UBE3D: variants seen among roughly 807,000 people sequenced by gnomAD.
UBE3D encodes E3 ubiquitin-protein ligase E3D.
A neutral mutation model predicts 49.6 loss-of-function variants in UBE3D; 48 were observed. The ratio of observed to expected loss-of-function variants is 0.97; its 90% CI spans 0.77 to 1.23. UBE3D has a LOEUF of 1.23. Ranked by LOEUF, UBE3D falls within the 50% of genes most tolerant of loss-of-function variation. The pLI, the probability that UBE3D is intolerant of heterozygous loss-of-function variation, is 0.00. For missense variants in UBE3D, 452 were observed against 468.4 expected (o/e 0.96, Z 0.32); for synonymous variants, 189 against 174.2 (o/e 1.08, Z -0.67).
intron 9 of UBE3D, among the ~76,000 whole-genome samples, chr6:82,932,112 G>A (rs964871871): frequency 6.6e-6 from 1 of 152,096 alleles, no homozygotes; most frequent in Admixed American, 6.5e-5. Flanking sequence ...CACGATGATT[G>A]TAAGTTTCCT....
chr6:83,010,372 T>A (rs1582629186), intron 8 of UBE3D, among the ~76,000 whole-genome samples: 1 of 152,116 alleles, frequency 6.6e-6, no homozygotes, highest in East Asian at 1.9e-4. Context: ...ATAGAAGGAC[T>A]CACCTACTGG....
At chr6:82,919,685 G>GAGAC (rs1235042910) in intron 9 of UBE3D, among the ~76,000 whole-genome samples, 4 of 152,122 alleles carry the variant, frequency 2.6e-5, no homozygotes, top group African/African-American at 9.7e-5. Context: ...AATGCCAGTG[G>GAGAC]AGACCCTGGA....
intron 9 of UBE3D, among the ~76,000 whole-genome samples, chr6:82,944,356 G>C (rs1775244997): frequency 6.6e-6 from 1 of 152,120 alleles, no homozygotes; most frequent in South Asian, 2.1e-4. Context: ...GACATATCCT[G>C]GACCAGAAGG....
intron 8 of UBE3D, among the ~76,000 whole-genome samples, chr6:83,001,521 T>A (rs1035310821): frequency 6.6e-6 from 1 of 152,198 alleles, no homozygotes; most frequent in Non-Finnish European, 1.5e-5. Flanking sequence ...AGCAGCCTTG[T>A]AGGATGTAGC....
chr6:83,007,258 ATAT>A (rs1467935969), intron 8 of UBE3D, among the ~76,000 whole-genome samples: 3 of 152,164 alleles, frequency 2.0e-5, no homozygotes, highest in African/African-American at 7.2e-5. Flanking sequence ...TTGTGAGAAA[ATAT>A]TAATAATAGT....
chr6:83,007,217 C>T (rs1451108559), intron 8 of UBE3D, among the ~76,000 whole-genome samples: 1 of 152,068 alleles, frequency 6.6e-6, no homozygotes, highest in African/African-American at 2.4e-5. Context: ...CTGAAGATAA[C>T]ATTTCATCAT....
chr6:82,948,078 C>A (rs1307221371), intron 9 of UBE3D, among the ~76,000 whole-genome samples: 1 of 151,572 alleles, frequency 6.6e-6, no homozygotes, highest in Non-Finnish European at 1.5e-5. Context: ...ATCGATGAAA[C>A]AAAATGTTGG....
At chr6:83,041,921 T>A (rs931564476) in intron 4 of UBE3D, among the ~76,000 whole-genome samples, 1 of 152,110 alleles carries the variant, frequency 6.6e-6, no homozygotes, top group Non-Finnish European at 1.5e-5. Context: ...TTATATAATT[T>A]TTTTTTTTAG....
the UBE3D span, among the ~76,000 whole-genome samples, chr6:82,882,037 C>A: frequency 6.6e-6 from 1 of 152,146 alleles, no homozygotes; most frequent in African/African-American, 2.4e-5. Context: ...TCTCCACTTA[C>A]AATGCTCTCC....
chr6:82,971,074 CCT>C (rs957880649), intron 8 of UBE3D, among the ~76,000 whole-genome samples: 6 of 152,014 alleles, frequency 3.9e-5, no homozygotes, highest in African/African-American at 1.5e-4. Flanking sequence ...TTTATGGACC[CCT>C]GAGTAAGGAT....
intron 4 of UBE3D, among the ~76,000 whole-genome samples, chr6:83,041,851 T>C (rs906661034): frequency 1.3e-5 from 2 of 151,996 alleles, no homozygotes; most frequent in Admixed American, 6.6e-5. Context: ...TAAAAAAGAG[T>C]GAAGCCTTGA....
At chr6:83,042,665 G>A (rs1782755646) in intron 4 of UBE3D, among the ~76,000 whole-genome samples, 1 of 152,162 alleles carries the variant, frequency 6.6e-6, no homozygotes, top group African/African-American at 2.4e-5. Context: ...TTAGCCTCGT[G>A]TCCTCCCTTT....
intron 8 of UBE3D, among the ~76,000 whole-genome samples, chr6:82,986,201 G>C (rs1427804537): frequency 6.6e-6 from 1 of 151,774 alleles, no homozygotes; most frequent in Non-Finnish European, 1.5e-5. Context: ...TGGCGGGCGT[G>C]GTGGCTCATG....
chr6:82,960,328 C>T (rs758483094), intron 8 of UBE3D, among the ~76,000 whole-genome samples: 3 of 152,044 alleles, frequency 2.0e-5, no homozygotes, highest in Non-Finnish European at 4.4e-5. Context: ...ATGTTGCTGT[C>T]TTTTCCATAA....
chr6:82,987,916 C>G (rs983229973), intron 8 of UBE3D, among the ~76,000 whole-genome samples: 2 of 152,026 alleles, frequency 1.3e-5, no homozygotes, highest in Non-Finnish European at 2.9e-5. Flanking sequence ...TGACATGTGT[C>G]AACATGGAGA....
intron 8 of UBE3D, among the ~76,000 whole-genome samples, chr6:82,963,153 G>A (rs1400682744): frequency 6.0e-5 from 9 of 149,538 alleles, no homozygotes; most frequent in Admixed American, 6.0e-4. Flanking sequence ...AAGAACTACA[G>A]GTAACTTTCC....
At chr6:82,968,749 C>T (rs925147336) in intron 8 of UBE3D, among the ~76,000 whole-genome samples, 5 of 152,164 alleles carry the variant, frequency 3.3e-5, no homozygotes, top group African/African-American at 1.2e-4. Context: ...TAAAATTATT[C>T]TGTGCTATAT....
intron 9 of UBE3D, among the ~76,000 whole-genome samples, chr6:82,902,476 G>C (rs35248700): frequency 2.1e-4 from 32 of 152,166 alleles, no homozygotes; most frequent in African/African-American, 7.5e-4. Context: ...ACATGACTCG[G>C]AAGAATCTCT....
intron 9 of UBE3D, among the ~76,000 whole-genome samples, chr6:82,937,328 C>CAAAAT (rs1193686366): frequency 6.6e-6 from 1 of 151,830 alleles, no homozygotes; most frequent in Non-Finnish European, 1.5e-5. Flanking sequence ...CAAAACAAAA[C>CAAAAT]AAAACAAACA....
Sources: allele counts gnomAD v4.1 joint callset (sites outside exome capture counted in the v4.1 genomes callset), GRCh38; gene constraint gnomAD v4.1.1; transcripts MANE v1.5; gene names NCBI Gene and HGNC (gene_info 2026-07-23, HGNC 2026-07-21).